SCN3A: variants seen among roughly 807,000 people sequenced by gnomAD.
The protein encoded by SCN3A is sodium channel protein type 3 subunit alpha.
A neutral mutation model predicts 187.6 loss-of-function variants in SCN3A; 60 were observed. The ratio of observed to expected loss-of-function variants is 0.32; its 90% CI spans 0.26 to 0.40. The LOEUF is 0.40. Ranked by LOEUF, SCN3A falls within the 10% of genes least tolerant of loss-of-function variation. The probability of loss-of-function intolerance (pLI) is 1.00; values close to 1 mark genes in which losing one functional copy is unlikely to be tolerated. For missense variants in SCN3A, 1,601 were observed against 2,428.2 expected (o/e 0.66, Z 7.16); for synonymous variants, 788 against 829.2 (o/e 0.95, Z 0.85).
At chr2:165,093,138 A>G (rs565419471) in intron 26 of SCN3A, 4 of 152,276 alleles carry the variant, frequency 2.6e-5, no homozygotes, top group Non-Finnish European at 5.9e-5. Flanking sequence ...AAGTATGATA[A>G]TTTTTATAAA....
intron 18 of SCN3A, among the ~76,000 whole-genome samples, chr2:165,124,993 T>C (rs1686902342): frequency 1.3e-5 from 2 of 152,192 alleles, no homozygotes; most frequent in South Asian, 4.1e-4. Flanking sequence ...TCCAAACTCT[T>C]TGGCTTACTT....
chr2:165,153,986 C>CTTTTTTTTTT (rs1559237785), intron 11 of SCN3A, among the ~76,000 whole-genome samples: 38 of 39,116 alleles, frequency 9.7e-4, no homozygotes, highest in Non-Finnish European at 1.1e-3. Flanking sequence ...CTATAGCAAA[C>CTTTTTTTTTT]ATTTTTTTTT....
At chr2:165,123,155 G>A (rs751581757) in intron 18 of SCN3A, among the ~76,000 whole-genome samples, 5 of 151,622 alleles carry the variant, frequency 3.3e-5, no homozygotes, top group East Asian at 3.9e-4. Flanking sequence ...AAAAAGATTC[G>A]CATAATTCCA....
intron 1 of SCN3A, among the ~76,000 whole-genome samples, chr2:165,190,071 G>T (rs1420928066): frequency 6.6e-6 from 1 of 152,160 alleles, no homozygotes; most frequent in Non-Finnish European, 1.5e-5. Context: ...AATGTGGTTG[G>T]CTTTTCAACC....
At chr2:165,104,589 A>G (rs1414785171) in intron 21 of SCN3A, among the ~76,000 whole-genome samples, 1 of 151,956 alleles carries the variant, frequency 6.6e-6, no homozygotes, top group Non-Finnish European at 1.5e-5. Context: ...TAGTCTTGAA[A>G]TGGGTCTTCA....
At chr2:165,132,870 G>A (rs1000994416) in intron 15 of SCN3A, among the ~76,000 whole-genome samples, 27 of 152,180 alleles carry the variant, frequency 1.8e-4, no homozygotes, top group Admixed American at 5.2e-4. Context: ...GGAAATTTTC[G>A]CAACCTACTC....
intron 21 of SCN3A, among the ~76,000 whole-genome samples, chr2:165,102,636 T>C (rs1685661235): frequency 6.6e-6 from 1 of 152,160 alleles, no homozygotes. Flanking sequence ...CTACATGGCA[T>C]GGAATTGTGT....
intron 27 of SCN3A, chr2:165,091,889 G>C (rs1413391548): frequency 5.9e-6 from 2 of 337,408 alleles, no homozygotes; most frequent in South Asian, 2.8e-5. Context: ...TTCCAGCAGA[G>C]ATGGCTACTT....
chr2:165,096,628 T>C (rs1279819816), intron 23 of SCN3A, 108 bp from the exon 24 acceptor site: 1 of 698,864 alleles, frequency 1.4e-6, no homozygotes, highest in African/African-American at 1.8e-5. Flanking sequence ...TGTACAATAT[T>C]GTGAAATTTC....
Position 165,127,937 on chromosome 2 carries a change from G to C in SCN3A, c.3087C>G (p.Ala1029=), listed in dbSNP as rs143360102. 102 of 1,613,808 alleles carry C rather than the reference G, an allele frequency of 6.3e-5. No homozygotes were observed. The African/African-American group carries it at 1.3e-3, about 21-fold the overall frequency. ...CTATAACTTTTGGCTTTCTAAAAAA[G>C]GCTTTTTGGAAACACTCCCGCATCT... ...KNKMRECFQK[A]FFRKPKVIEI... The change falls in exon 18 of 28, where the codon GCC becomes GCG. Residue 1029 remains alanine (A), a synonymous_variant. Coordinates refer to ENST00000283254, the MANE Select transcript of SCN3A (RefSeq NM_006922.4).
chr2:165,112,173 A>T (rs1323203169), intron 21 of SCN3A, among the ~76,000 whole-genome samples: 1 of 152,178 alleles, frequency 6.6e-6, no homozygotes, highest in African/African-American at 2.4e-5. Flanking sequence ...GAATCAGAGG[A>T]CTGTCATGTT....
At chr2:165,175,854 T>G (rs1230278630) in intron 3 of SCN3A, among the ~76,000 whole-genome samples, 2 of 151,890 alleles carry the variant, frequency 1.3e-5, no homozygotes, top group Non-Finnish European at 2.9e-5. Context: ...GATATTTCAC[T>G]TTGTTGATAT....
At chr2:165,101,436 C>T (rs1053523159) in intron 21 of SCN3A, among the ~76,000 whole-genome samples, 10 of 152,032 alleles carry the variant, frequency 6.6e-5, no homozygotes, top group African/African-American at 2.2e-4. Context: ...GAAGTTAGAG[C>T]GCCACCCCCA....
At chr2:165,155,213 A>G (rs1299710787) in intron 10 of SCN3A, among the ~76,000 whole-genome samples, 1 of 152,202 alleles carries the variant, frequency 6.6e-6, no homozygotes, top group African/African-American at 2.4e-5. Flanking sequence ...TGCCTTTCAC[A>G]TAAAAAAGTC....
At chr2:165,160,361 C>A (rs1689287567) in intron 9 of SCN3A, among the ~76,000 whole-genome samples, 1 of 152,134 alleles carries the variant, frequency 6.6e-6, no homozygotes, top group South Asian at 2.1e-4. Flanking sequence ...ATCCTGAAAT[C>A]ATTTCCCACC....
intron 2 of SCN3A, among the ~76,000 whole-genome samples, chr2:165,183,794 A>C (rs1691043845): frequency 6.6e-6 from 1 of 152,138 alleles, no homozygotes; most frequent in African/African-American, 2.4e-5. Flanking sequence ...CATGGAAACA[A>C]GATTGTGTCA....
rs367762872 is a variant in SCN3A, at chr2:165,127,416, A to G, written c.3393+215T>C. Among the ~76,000 whole-genome samples, 13 of 152,328 alleles carry G rather than the reference A, an allele frequency of 8.5e-5. No individual in the cohort carries two copies. In the South Asian group the frequency reaches 1.7e-3, roughly 19 times the overall value. The stretch of plus-strand genomic sequence containing the variant: ...AAATGATCAAGAAAATGAATATACT[A>G]AAGACTCAGAATGGTTTAATTTCCT... On this transcript the variant is annotated intron_variant, in intron 18 of 27. Transcript: ENST00000283254.
chr2:165,172,731 C>T (rs1690181074), intron 3 of SCN3A, among the ~76,000 whole-genome samples: 1 of 152,154 alleles, frequency 6.6e-6, no homozygotes, highest in Non-Finnish European at 1.5e-5. Flanking sequence ...TTTGCTCCTC[C>T]TGCAAGATTA....
intron 1 of SCN3A, among the ~76,000 whole-genome samples, chr2:165,196,865 G>A (rs960336379): frequency 5.3e-5 from 8 of 152,046 alleles, no homozygotes; most frequent in Non-Finnish European, 1.0e-4. Context: ...GAGATTCAAA[G>A]AATATCTTTC....
Sources: gnomAD v4.1 joint callset for allele counts (sites outside exome capture counted in the v4.1 genomes callset) on GRCh38, gnomAD v4.1.1 for gene constraint, MANE v1.5 for transcripts, NCBI Gene and HGNC (gene_info 2026-07-23, HGNC 2026-07-21) for gene names.